Variants in ATAD2B observed in about 807,000 individuals in gnomAD.
The protein encoded by ATAD2B is ATPase family AAA domain-containing protein 2B.
In ATAD2B, 40 loss-of-function variants were observed where a neutral mutation model predicts 167.6. The observed-to-expected ratio is 0.24, with a 90% confidence interval of 0.19 to 0.31. The LOEUF is 0.31. ATAD2B is among the 10% of genes least tolerant of loss of function. ATAD2B has a pLI of 1.00. For missense variants in ATAD2B, 1,242 were observed against 1,757.2 expected, an observed-to-expected ratio of 0.71 and a Z score of 5.24; for synonymous variants, 579 against 596.5, an observed-to-expected ratio of 0.97 and a Z score of 0.43.
chr2:23,752,775 A>G (rs1675506894), intron 27 of ATAD2B, among the ~76,000 whole-genome samples: 2 of 152,060 alleles, frequency 1.3e-5, no homozygotes. Flanking sequence ...TTGTGTTCCC[A>G]CTTCTATTCA....
intron 17 of ATAD2B, among the ~76,000 whole-genome samples, chr2:23,817,394 C>G (rs1572886906): frequency 1.3e-5 from 2 of 152,138 alleles, no homozygotes; most frequent in East Asian, 3.9e-4. Flanking sequence ...AAGCACAGAT[C>G]TTTACATACC....
At chr2:23,869,033 T>C (rs886582628) in intron 9 of ATAD2B, among the ~76,000 whole-genome samples, 1 of 152,228 alleles carries the variant, frequency 6.6e-6, no homozygotes, top group South Asian at 2.1e-4. Flanking sequence ...TCTTTTTTAG[T>C]ACACTATCTA....
chr2:23,767,908 C>CA (rs536450571), intron 22 of ATAD2B, among the ~76,000 whole-genome samples: 1,737 of 133,798 alleles, frequency 0.013, 16 homozygotes, highest in African/African-American at 0.029. Flanking sequence ...AAAAAACAAA[C>CA]AAAAAAAAAA....
At chr2:23,912,549 G>A (rs1362669106) in intron 1 of ATAD2B, among the ~76,000 whole-genome samples, 1 of 151,852 alleles carries the variant, frequency 6.6e-6, no homozygotes, top group African/African-American at 2.4e-5. Context: ...TGTTTGGAAA[G>A]TAAGCAACAT....
chr2:23,891,387 ATG>A (rs1699465297), intron 2 of ATAD2B, among the ~76,000 whole-genome samples: 1 of 152,136 alleles, frequency 6.6e-6, no homozygotes, highest in Non-Finnish European at 1.5e-5. Context: ...TATTATATGA[ATG>A]TTCTCAAAAG....
the ATAD2B span, among the ~76,000 whole-genome samples, chr2:23,699,342 C>T: frequency 2.6e-5 from 4 of 152,202 alleles, no homozygotes; most frequent in Admixed American, 6.5e-5. Flanking sequence ...CCTCGCATTG[C>T]GTCCAGGCAC....
At chr2:23,760,899 G>A (rs1275072172) in intron 24 of ATAD2B, among the ~76,000 whole-genome samples, 4 of 152,120 alleles carry the variant, frequency 2.6e-5, no homozygotes, top group African/African-American at 9.6e-5. Context: ...ACGCCTTAGG[G>A]ACATTCAGAT....
chr2:23,831,287 G>T (rs1689040230), intron 14 of ATAD2B, among the ~76,000 whole-genome samples: 1 of 151,980 alleles, frequency 6.6e-6, no homozygotes, highest in Non-Finnish European at 1.5e-5. Context: ...GAAAATAAAA[G>T]AAATTAAAAA....
chr2:23,681,317 CAGAG>C, the ATAD2B span, among the ~76,000 whole-genome samples: 2 of 152,188 alleles, frequency 1.3e-5, no homozygotes, highest in African/African-American at 4.8e-5. This position sits in a 1 kb window ranked among gnomAD's most constrained non-coding sequence, Gnocchi z 4.2. Flanking sequence ...AAGTGAGATT[CAGAG>C]AGAGCAGAAA....
At chr2:23,845,275 G>A (rs184485914) in intron 13 of ATAD2B, among the ~76,000 whole-genome samples, 5 of 152,284 alleles carry the variant, frequency 3.3e-5, no homozygotes, top group African/African-American at 1.2e-4. Context: ...AACGTTCACA[G>A]TAATATTCAT....
chr2:23,887,492 T>C (rs1403108275), intron 4 of ATAD2B, among the ~76,000 whole-genome samples: 1 of 152,208 alleles, frequency 6.6e-6, no homozygotes, highest in East Asian at 1.9e-4. Flanking sequence ...TAGAATATAA[T>C]TTCCTCTCTT....
intron 8 of ATAD2B, 141 bp downstream of exon 8, chr2:23,875,688 C>A: frequency 1.5e-6 from 1 of 670,092 alleles, no homozygotes; most frequent in Admixed American, 2.6e-5. Context: ...GTTAAAACAA[C>A]AAATATTCCA....
intron 18 of ATAD2B, among the ~76,000 whole-genome samples, chr2:23,803,860 GT>G (rs1391215351): frequency 6.6e-6 from 1 of 152,138 alleles, no homozygotes; most frequent in Non-Finnish European, 1.5e-5. Flanking sequence ...TGCCTTTCAT[GT>G]TCATGTTACA....
chr2:23,869,388 G>T (rs1480855956), intron 9 of ATAD2B, among the ~76,000 whole-genome samples: 2 of 152,144 alleles, frequency 1.3e-5, no homozygotes, highest in Non-Finnish European at 2.9e-5. Flanking sequence ...AGGTACAGAG[G>T]AAAAGACAGA....
Position 23,857,497 on chromosome 2 carries a change from A to T in ATAD2B, c.1486T>A (p.Leu496Met). Reference protein sequence around the residue: ...QLRLLFDQAYLMRPSIIFFDE... With the variant: ...QLRLLFDQAYMMRPSIIFFDE... ...AAAAATATTATAGAAGGTCTCATCA[A>T]ATATGCCTAGTAAGAAGAAAACAAA... Residue 496 changes from leucine to methionine, a missense_variant, in exon 13 of 28, where the codon TTG (leucine) becomes ATG (methionine). By Grantham distance (15) the Leu-to-Met change is conservative. Transcript: ENST00000238789. 7.1e-7 allele frequency: 1 copy of T among 1,406,670 alleles called. No individual in the cohort carries two copies. The highest frequency in any genetic ancestry group is 9.5e-7 in the Non-Finnish European group (1 of 1,055,628). 87.1% of individuals were successfully genotyped at this position (1,406,670 alleles called of 1,614,324 possible).
chr2:23,862,399 T>TG (rs1278292762), intron 12 of ATAD2B, among the ~76,000 whole-genome samples: 1 of 142,500 alleles, frequency 7.0e-6, no homozygotes, highest in Non-Finnish European at 1.5e-5. Flanking sequence ...ATATTTGGAC[T>TG]GGTTTTTTTT....
At chr2:23,859,015 T>A (rs988277992) in intron 12 of ATAD2B, among the ~76,000 whole-genome samples, 2 of 152,174 alleles carry the variant, frequency 1.3e-5, no homozygotes, top group Non-Finnish European at 2.9e-5. Flanking sequence ...CATGTGTCAT[T>A]TCTAATCTAG....
the ATAD2B span, chr2:23,690,065 C>G: frequency 1.3e-5 from 2 of 152,180 alleles, no homozygotes; most frequent in Non-Finnish European, 2.9e-5. Flanking sequence ...ACTGTGGCCA[C>G]GCTGGGAGAG....
downstream of ATAD2B, among the ~76,000 whole-genome samples, chr2:23,744,600 A>G (rs1310554324): frequency 1.3e-5 from 2 of 152,182 alleles, no homozygotes; most frequent in African/African-American, 2.4e-5. Flanking sequence ...GGTTGGTGCT[A>G]TCACTGTGGC....
Sources: gnomAD v4.1 joint callset for allele counts (sites outside exome capture counted in the v4.1 genomes callset) on GRCh38, gnomAD v4.1.1 for gene constraint, Gnocchi (gnomAD v3.1) non-coding constraint, MANE v1.5 for transcripts, NCBI Gene and HGNC (gene_info 2026-07-23, HGNC 2026-07-21) for gene names.